The following OCA2 variants were observed in gnomAD, a reference collection of about 807,000 sequenced individuals.
OCA2 encodes the protein OCA2 melanosomal transmembrane protein.
Under a neutral mutation model 100.2 loss-of-function variants are expected in OCA2, and 77 were observed. That is an observed-to-expected ratio of 0.77 (90% CI 0.64 to 0.93). The LOEUF (loss-of-function observed/expected upper bound fraction) is 0.93, where lower values mean the gene tolerates loss of function less well. Ranked by LOEUF, OCA2 falls within the 40% of genes least tolerant of loss-of-function variation. The pLI is 0.00. For synonymous variants in OCA2, 432 were observed against 439.2 expected, an observed-to-expected ratio of 0.98 and a Z score of 0.21; for missense variants, 1,062 against 1,089.1, an observed-to-expected ratio of 0.98 and a Z score of 0.35.
chr15:27,961,369 G>A (rs369154897), intron 15 of OCA2, among the ~76,000 whole-genome samples: 2 of 152,312 alleles, frequency 1.3e-5, no homozygotes, highest in East Asian at 3.9e-4. Flanking sequence ...AACTAGTTCA[G>A]CCATTGTGGA....
the OCA2 span, among the ~76,000 whole-genome samples, chr15:27,719,617 A>G: frequency 6.6e-6 from 1 of 152,118 alleles, no homozygotes; most frequent in Non-Finnish European, 1.5e-5. Context: ...CATGCACTAT[A>G]TCTGTTTCCA....
At chr15:27,952,240 A>G (rs1181513934) in intron 17 of OCA2, among the ~76,000 whole-genome samples, 1 of 152,182 alleles carries the variant, frequency 6.6e-6, no homozygotes, top group Non-Finnish European at 1.5e-5. Flanking sequence ...GGGTGGGGCC[A>G]TGAGGCTGAG....
At chr15:27,993,728 T>C (rs2041631729) in intron 9 of OCA2, among the ~76,000 whole-genome samples, 1 of 152,166 alleles carries the variant, frequency 6.6e-6, no homozygotes, top group Non-Finnish European at 1.5e-5. Flanking sequence ...TGAGCATCTC[T>C]GTGGCCCACA....
the OCA2 span, among the ~76,000 whole-genome samples, chr15:27,736,602 C>T: frequency 6.6e-6 from 1 of 152,020 alleles, no homozygotes; most frequent in Non-Finnish European, 1.5e-5. Context: ...CCCTGGTTAT[C>T]TTCCAATTAG....
At chr15:28,010,896 AT>A (rs1343270704) in intron 9 of OCA2, among the ~76,000 whole-genome samples, 1 of 152,194 alleles carries the variant, frequency 6.6e-6, no homozygotes, top group African/African-American at 2.4e-5. Flanking sequence ...GGGAAAAAAA[AT>A]AATAAGTGTG....
intron 19 of OCA2, among the ~76,000 whole-genome samples, chr15:27,899,684 C>A (rs1459328643): frequency 1.3e-5 from 2 of 152,146 alleles, no homozygotes; most frequent in African/African-American, 4.8e-5. Flanking sequence ...GCTCCATTAC[C>A]CAGAAGCAGC....
intron 23 of OCA2, among the ~76,000 whole-genome samples, chr15:27,835,250 C>T (rs556645508): frequency 2.0e-5 from 3 of 152,164 alleles, no homozygotes; most frequent in Non-Finnish European, 2.9e-5. Context: ...TAAAATGATG[C>T]GGCAGGTTGC....
At chr15:28,028,207 T>C in intron 3 of OCA2, 148 bp from the exon 4 acceptor site, 1 of 920,216 alleles carries the variant, frequency 1.1e-6, no homozygotes, top group Non-Finnish European at 1.7e-6. Flanking sequence ...CTCATACTGG[T>C]GGGAATGGGT....
chr15:27,863,165 G>A (rs1973448), intron 21 of OCA2, among the ~76,000 whole-genome samples: 119,352 of 152,042 alleles, frequency 0.78, 47,951 homozygotes, highest in East Asian at 1. Context: ...GCAGATGGCA[G>A]GCACAGAGCA....
At chr15:27,950,384 G>A in intron 18 of OCA2, 1 of 335,124 alleles carries the variant, frequency 3.0e-6, no homozygotes, top group Non-Finnish European at 5.9e-6. Flanking sequence ...CATTAGGCCT[G>A]AGGCGTAATT....
At chr15:27,837,065 A>G (rs1051729959) in intron 23 of OCA2, among the ~76,000 whole-genome samples, 3 of 152,228 alleles carry the variant, frequency 2.0e-5, no homozygotes, top group Non-Finnish European at 2.9e-5. Context: ...TGACTGGTGT[A>G]TCTTACGTGG....
At chr15:27,899,226 T>A (rs895833) in intron 19 of OCA2, among the ~76,000 whole-genome samples, 37,819 of 152,140 alleles carry the variant, frequency 0.25, 5,698 homozygotes, top group East Asian at 0.56. Context: ...CAGCCCTCTC[T>A]AATAGACTGA....
chr15:27,831,491 C>T (rs1303305339), intron 23 of OCA2, among the ~76,000 whole-genome samples: 2 of 152,304 alleles, frequency 1.3e-5, no homozygotes, highest in Non-Finnish European at 2.9e-5. Context: ...TTGTTTTCAG[C>T]CCTCTCCTCC....
At chr15:27,763,838 A>T (rs996582167) in intron 23 of OCA2, among the ~76,000 whole-genome samples, 1 of 152,192 alleles carries the variant, frequency 6.6e-6, no homozygotes, top group Non-Finnish European at 1.5e-5. Flanking sequence ...GTGTCCATTT[A>T]ACAAGGCAGA....
the OCA2 span, among the ~76,000 whole-genome samples, chr15:27,732,877 G>T: frequency 5.3e-5 from 8 of 152,158 alleles, no homozygotes; most frequent in Non-Finnish European, 7.4e-5. Flanking sequence ...CTTTGGTTTT[G>T]CCCAACAGGA....
chr15:27,829,580 C>T (rs1276911934), intron 23 of OCA2, among the ~76,000 whole-genome samples: 1 of 152,228 alleles, frequency 6.6e-6, no homozygotes, highest in Non-Finnish European at 1.5e-5. Flanking sequence ...GCATCCACAA[C>T]AGCAACATGG....
chr15:27,728,532 T>C, the OCA2 span, among the ~76,000 whole-genome samples: 1 of 152,166 alleles, frequency 6.6e-6, no homozygotes, highest in African/African-American at 2.4e-5. Flanking sequence ...GCACTGTTCC[T>C]GCTGATATGA....
chr15:27,725,956 G>A, the OCA2 span, among the ~76,000 whole-genome samples: 30 of 151,992 alleles, frequency 2.0e-4, 1 homozygote, highest in South Asian at 6.2e-3. Flanking sequence ...TAGAGCTGGC[G>A]TCTGCAAACT....
intron 23 of OCA2, among the ~76,000 whole-genome samples, chr15:27,758,524 C>T (rs190160238): frequency 1.0e-3 from 158 of 152,258 alleles, no homozygotes; most frequent in African/African-American, 3.5e-3. Context: ...TGAGGTGATA[C>T]AGATGTCGAA....
Sources: gnomAD v4.1 joint callset for allele counts (sites outside exome capture counted in the v4.1 genomes callset) on GRCh38, gnomAD v4.1.1 for gene constraint, MANE v1.5 for transcripts, NCBI Gene and HGNC (gene_info 2026-07-23, HGNC 2026-07-21) for gene names.